The following CLVS1 variants were observed in gnomAD, a reference collection of about 807,000 sequenced individuals.
CLVS1 encodes clavesin-1.
In CLVS1, 10 loss-of-function variants were observed where a neutral mutation model predicts 33.1. That is an observed-to-expected ratio of 0.30 (90% CI 0.19 to 0.51). CLVS1 has a LOEUF of 0.51. Ranked by LOEUF, CLVS1 falls within the 20% of genes least tolerant of loss-of-function variation. The probability of loss-of-function intolerance (pLI) is 0.97; values close to 1 mark genes in which losing one functional copy is unlikely to be tolerated. For missense variants in CLVS1, 343 were observed against 433.4 expected (o/e 0.79, Z 1.85); for synonymous variants, 163 against 166.1 (o/e 0.98, Z 0.14).
the CLVS1 span, among the ~76,000 whole-genome samples, chr8:61,033,035 A>G: frequency 3.4e-5 from 4 of 118,942 alleles, no homozygotes; most frequent in East Asian, 1.1e-3. Flanking sequence ...GAAAGAAAGA[A>G]AGAAAGAAAG....
At chr8:61,033,626 C>T in the CLVS1 span, among the ~76,000 whole-genome samples, 4 of 152,278 alleles carry the variant, frequency 2.6e-5, no homozygotes, top group Admixed American at 6.5e-5. Context: ...GAATTGCCCT[C>T]GACTGGCCAT....
chr8:61,458,569 C>G (rs776852944), intron 5 of CLVS1, 27 bp downstream of exon 5: 104 of 1,473,226 alleles, frequency 7.1e-5, no homozygotes, highest in East Asian at 3.9e-4. Context: ...CAGAGCCCCC[C>G]CCCCAGTCAG....
chr8:61,118,398 T>A (rs1200415230), intron 1 of CLVS1, among the ~76,000 whole-genome samples: 1 of 145,858 alleles, frequency 6.9e-6, no homozygotes, highest in Non-Finnish European at 1.5e-5. Flanking sequence ...TCTTAGTTAT[T>A]TCTTGCCTTC....
chr8:61,270,307 G>A (rs1272713241), intron 2 of CLVS1, among the ~76,000 whole-genome samples: 2 of 152,146 alleles, frequency 1.3e-5, no homozygotes, highest in Non-Finnish European at 2.9e-5. Flanking sequence ...TTTATATGCT[G>A]GATTAGATTT....
At chr8:61,364,661 T>G (rs188656065) in intron 2 of CLVS1, among the ~76,000 whole-genome samples, 10 of 152,328 alleles carry the variant, frequency 6.6e-5, no homozygotes, top group Admixed American at 6.5e-4. Context: ...CTAAGTTCAA[T>G]CCATTTCTAT....
intron 2 of CLVS1, among the ~76,000 whole-genome samples, chr8:61,344,735 G>A (rs1044985614): frequency 4.6e-5 from 7 of 152,242 alleles, no homozygotes; most frequent in East Asian, 3.9e-4. Context: ...AACTGAGATC[G>A]TACTTTTTCC....
chr8:61,287,220 C>T (rs1809802429), upstream of CLVS1, among the ~76,000 whole-genome samples: 1 of 152,080 alleles, frequency 6.6e-6, no homozygotes, highest in Admixed American at 6.5e-5. Context: ...GCCCAAACTG[C>T]CATATTAAAC....
Position 61,202,687 on chromosome 8 carries a change from G to A in CLVS1, c.-152+70827G>A, listed in dbSNP as rs1677938366. 4.6e-6 allele frequency: 7 copies of A among 1,538,018 alleles called. No homozygotes were observed. The South Asian group carries it at 5.6e-5, about 12-fold the overall frequency. On this transcript the variant is annotated intron_variant, in intron 2 of 2. Coordinates refer to the CLVS1 transcript ENST00000522621. Reference sequence around the variant, plus strand: ...TGGTTCAGGGCCAGTGCATATTAGTGGACAGCACTTAGTAGCTGTGGAGGA... The same window carrying A: ...TGGTTCAGGGCCAGTGCATATTAGTAGACAGCACTTAGTAGCTGTGGAGGA...
At chr8:61,324,631 G>A (rs1262106298) in intron 2 of CLVS1, among the ~76,000 whole-genome samples, 10 of 152,134 alleles carry the variant, frequency 6.6e-5, no homozygotes. Flanking sequence ...ACAGGAAAAT[G>A]TGGGAAAGTT....
intron 2 of CLVS1, among the ~76,000 whole-genome samples, chr8:61,163,978 C>T (rs1006797224): frequency 6.6e-6 from 1 of 152,148 alleles, no homozygotes; most frequent in Non-Finnish European, 1.5e-5. Flanking sequence ...AGCTCCCATA[C>T]AATGGGAGGG....
the CLVS1 span, among the ~76,000 whole-genome samples, chr8:61,033,134 A>AGAAG: frequency 1.0e-5 from 1 of 96,922 alleles, no homozygotes; most frequent in African/African-American, 3.5e-5. Context: ...AAGGAAAGAA[A>AGAAG]GAAAGAAAGA....
rs376329314 is a variant in CLVS1 at position 61,458,504 on chromosome 8, G to A, written c.939G>A (p.Ser313=). The A allele has an allele frequency of 3.2e-5, 52 of 1,612,910 alleles. No individual in the cohort carries two copies. In the East Asian group the frequency reaches 6.0e-4, roughly 19 times the overall value. The change falls in exon 5 of 6, where the codon TCG becomes TCA. Residue 313 remains serine, a synonymous_variant. Transcript: ENST00000325897. ...CAATGCACGTGAAGCATACGTCCTC[G>A]AATCTGGAGAGAGAATGCTCACCCA... The part of the protein sequence containing the change: ...YNAMHVKHTS[S]NLERECSPKL...
At chr8:61,261,503 G>A (rs1458587167) in intron 2 of CLVS1, among the ~76,000 whole-genome samples, 1 of 152,144 alleles carries the variant, frequency 6.6e-6, no homozygotes, top group Non-Finnish European at 1.5e-5. Flanking sequence ...GAGTGCCAGA[G>A]ATGGAATGTT....
the CLVS1 span, among the ~76,000 whole-genome samples, chr8:61,024,040 T>C: frequency 6.6e-6 from 1 of 152,206 alleles, no homozygotes; most frequent in Non-Finnish European, 1.5e-5. Flanking sequence ...CCTGCATGAC[T>C]CAAAGCCTTT....
intron 2 of CLVS1, among the ~76,000 whole-genome samples, chr8:61,267,636 C>A (rs931666316): frequency 5.3e-5 from 8 of 152,194 alleles, no homozygotes; most frequent in African/African-American, 1.2e-4. Flanking sequence ...AAACAACTTT[C>A]CATACCAGTT....
chr8:61,457,729 G>A (rs1335792396), intron 4 of CLVS1, among the ~76,000 whole-genome samples: 1 of 152,144 alleles, frequency 6.6e-6, no homozygotes, highest in African/African-American at 2.4e-5. Flanking sequence ...ATTTTCCCCC[G>A]TGGGGAAACA....
the CLVS1 span, among the ~76,000 whole-genome samples, chr8:60,977,996 T>G: frequency 3.9e-5 from 6 of 152,232 alleles, no homozygotes; most frequent in Admixed American, 3.9e-4. Flanking sequence ...AGACCAGAAT[T>G]CCTTATGTAA....
chr8:61,408,455 C>G (rs146512313), intron 3 of CLVS1, among the ~76,000 whole-genome samples: 1 of 152,308 alleles, frequency 6.6e-6, no homozygotes, highest in Non-Finnish European at 1.5e-5. Context: ...TGCCCCAAGT[C>G]TTTACTACAT....
chr8:61,282,362 A>T (rs1477639432), intron 2 of CLVS1, among the ~76,000 whole-genome samples: 5 of 152,130 alleles, frequency 3.3e-5, no homozygotes, highest in Non-Finnish European at 7.4e-5. Flanking sequence ...AGCAGGGGAA[A>T]TGGTTGGAGA....
Sources: allele counts gnomAD v4.1 joint callset (sites outside exome capture counted in the v4.1 genomes callset), GRCh38; gene constraint gnomAD v4.1.1; transcripts MANE v1.5; gene names NCBI Gene and HGNC (gene_info 2026-07-23, HGNC 2026-07-21).